Variants in INPP4B observed in about 807,000 individuals in gnomAD.
The protein encoded by INPP4B is inositol polyphosphate 4-phosphatase type II.
A neutral mutation model predicts 122.5 loss-of-function variants in INPP4B; 55 were observed. The ratio of observed to expected loss-of-function variants is 0.45; its 90% CI spans 0.36 to 0.56. INPP4B has a LOEUF of 0.56. Ranked by LOEUF, INPP4B falls within the 20% of genes least tolerant of loss-of-function variation. The probability of loss-of-function intolerance (pLI) is 0.00; values close to 1 mark genes in which losing one functional copy is unlikely to be tolerated. For missense variants in INPP4B, 1,000 were observed against 1,097.7 expected, an observed-to-expected ratio of 0.91 and a Z score of 1.26; for synonymous variants, 403 against 388.7, an observed-to-expected ratio of 1.04 and a Z score of -0.43.
intron 3 of INPP4B, among the ~76,000 whole-genome samples, chr4:142,448,799 G>A (rs1170845964): frequency 6.6e-6 from 1 of 152,032 alleles, no homozygotes; most frequent in Non-Finnish European, 1.5e-5. Context: ...TCATCCAAAA[G>A]TAACATAAAT....
chr4:142,752,906 C>T (rs1296169943), intron 1 of INPP4B, among the ~76,000 whole-genome samples: 1 of 152,048 alleles, frequency 6.6e-6, no homozygotes, highest in Non-Finnish European at 1.5e-5. Context: ...TACTAGAATT[C>T]AATGACCCAG....
chr4:142,105,141 T>C (rs1349002231), intron 23 of INPP4B, among the ~76,000 whole-genome samples: 1 of 152,174 alleles, frequency 6.6e-6, no homozygotes, highest in East Asian at 1.9e-4. Flanking sequence ...GAGGCCACCC[T>C]GCCCTACCAA....
chr4:142,694,882 G>GA, intron 2 of INPP4B, among the ~76,000 whole-genome samples: 1 of 151,896 alleles, frequency 6.6e-6, no homozygotes, highest in South Asian at 2.1e-4. Context: ...AAGTCCCTCA[G>GA]AAAAAATATT....
chr4:142,629,513 T>C (rs1165271191), intron 2 of INPP4B, among the ~76,000 whole-genome samples: 1 of 152,004 alleles, frequency 6.6e-6, no homozygotes, highest in Non-Finnish European at 1.5e-5. Context: ...TGCATGAGTG[T>C]GTATGTGTGT....
intron 25 of INPP4B, among the ~76,000 whole-genome samples, chr4:142,033,256 C>G (rs1741528569): frequency 1.3e-5 from 2 of 152,176 alleles, no homozygotes; most frequent in Admixed American, 1.3e-4. Context: ...GTTCTGTCCA[C>G]AATGTGTGTC....
chr4:142,746,061 A>C (rs1385372549), intron 1 of INPP4B, among the ~76,000 whole-genome samples: 1 of 151,976 alleles, frequency 6.6e-6, no homozygotes, highest in East Asian at 1.9e-4. Context: ...TTATTAAGAA[A>C]AAAATCTGAA....
rs556418993 is a variant in INPP4B, at chr4:142,288,539, G to A, written c.503+16919C>T. ...GCGGAGCTTGCAGTGAGCTGGGATC[G>A]GCCACTGCACTCCAGCCTGGGCGAC... On this transcript the variant is annotated intron_variant, in intron 9 of 25. Coordinates refer to ENST00000262992, the MANE Select transcript of INPP4B (RefSeq NM_001101669.3). Among the ~76,000 whole-genome samples, 102 of 152,132 alleles carry A rather than the reference G, an allele frequency of 6.7e-4. No homozygotes were observed. In the East Asian group the frequency reaches 0.014, roughly 21 times the overall value.
At chr4:142,193,575 C>T (rs935762898) in intron 14 of INPP4B, among the ~76,000 whole-genome samples, 4 of 152,020 alleles carry the variant, frequency 2.6e-5, no homozygotes, top group African/African-American at 7.2e-5. Flanking sequence ...TCAACAATAA[C>T]GAACAATCTT....
intron 2 of INPP4B, among the ~76,000 whole-genome samples, chr4:142,576,653 C>T (rs915956183): frequency 3.3e-5 from 5 of 151,922 alleles, no homozygotes; most frequent in African/African-American, 1.2e-4. Context: ...CTTTCAGTTA[C>T]ACCTTTTAAA....
chr4:142,582,987 T>C (rs1430119910), intron 2 of INPP4B, among the ~76,000 whole-genome samples: 2 of 152,158 alleles, frequency 1.3e-5, no homozygotes, highest in African/African-American at 4.8e-5. Flanking sequence ...GTTTTATATA[T>C]GAAATGCAGA....
chr4:142,815,249 A>G (rs1375993021), intron 1 of INPP4B, among the ~76,000 whole-genome samples: 1 of 152,172 alleles, frequency 6.6e-6, no homozygotes, highest in Non-Finnish European at 1.5e-5. Context: ...CTCAGGAGGC[A>G]TAACAACTAA....
intron 25 of INPP4B, among the ~76,000 whole-genome samples, chr4:142,074,784 C>T (rs1769618327): frequency 6.6e-6 from 1 of 151,976 alleles, no homozygotes; most frequent in Admixed American, 6.6e-5. Context: ...TTCAATGTGC[C>T]ACACATTACA....
intron 2 of INPP4B, among the ~76,000 whole-genome samples, chr4:142,466,858 C>T (rs1256417077): frequency 6.6e-6 from 1 of 152,166 alleles, no homozygotes; most frequent in African/African-American, 2.4e-5. Flanking sequence ...CCATCTCTAA[C>T]CATGGCTCAA....
chr4:142,260,482 A>T lies in INPP4B; in HGVS notation c.688+10T>A. ...GCATGAAACTAAGTATTTAAAACTG[A>T]GTTACATACCTGAATTCAAAAAAGG... is the stretch of plus-strand genomic sequence containing the variant. On this transcript the variant is annotated intron_variant, in intron 11 of 25. Coordinates refer to ENST00000262992, the MANE Select transcript of INPP4B (RefSeq NM_001101669.3). 1 of 1,538,888 alleles carries T rather than the reference A, an allele frequency of 6.5e-7. No individual in the cohort carries two copies. Among genetic ancestry groups the T allele is most frequent in the Non-Finnish European group, 9.0e-7 (1 of 1,115,028 alleles).
intron 2 of INPP4B, among the ~76,000 whole-genome samples, chr4:142,516,916 A>G (rs539369730): frequency 2.0e-5 from 3 of 152,040 alleles, no homozygotes; most frequent in Admixed American, 6.6e-5. Flanking sequence ...ACAGCTCGCT[A>G]CTGTTACACT....
intron 1 of INPP4B, among the ~76,000 whole-genome samples, chr4:142,841,268 A>C (rs937572543): frequency 1.3e-5 from 2 of 151,978 alleles, no homozygotes; most frequent in Non-Finnish European, 2.9e-5. Context: ...AACTTCAATT[A>C]AAGATCCCAC....
At chr4:142,398,401 A>AATATAT (rs1206023677) in intron 7 of INPP4B, among the ~76,000 whole-genome samples, 72 of 28,352 alleles carry the variant, frequency 2.5e-3, no homozygotes, top group South Asian at 0.011. Flanking sequence ...AAAAAAAAAA[A>AATATAT]ATATATATAT....
chr4:142,045,751 CT>C (rs1403940727), intron 25 of INPP4B, among the ~76,000 whole-genome samples: 1 of 152,144 alleles, frequency 6.6e-6, no homozygotes, highest in East Asian at 1.9e-4. Flanking sequence ...TTCTAATTTA[CT>C]TTTTTAGTCA....
intron 7 of INPP4B, among the ~76,000 whole-genome samples, chr4:142,344,375 A>G (rs886497474): frequency 6.6e-6 from 1 of 152,090 alleles, no homozygotes; most frequent in Non-Finnish European, 1.5e-5. Flanking sequence ...GCCAAACTAC[A>G]AGGGTTAGTA....
Sources: allele counts gnomAD v4.1 joint callset (sites outside exome capture counted in the v4.1 genomes callset), GRCh38; gene constraint gnomAD v4.1.1; transcripts MANE v1.5; gene names NCBI Gene and HGNC (gene_info 2026-07-23, HGNC 2026-07-21).